The following VIPR2 variants were observed in gnomAD, a reference collection of about 807,000 sequenced individuals.
VIPR2 encodes vasoactive intestinal peptide receptor 2.
A neutral mutation model predicts 58.0 loss-of-function variants in VIPR2; 48 were observed. The ratio of observed to expected loss-of-function variants is 0.83; its 90% confidence interval spans 0.66 to 1.05. The LOEUF is 1.05. VIPR2 is among the 50% of genes least tolerant of loss of function. VIPR2 has a pLI of 0.00. For synonymous variants in VIPR2, 243 were observed against 235.2 expected, an observed-to-expected ratio of 1.03 and a Z score of -0.30; for missense variants, 534 against 558.0, an observed-to-expected ratio of 0.96 and a Z score of 0.43.
intron 4 of VIPR2, among the ~76,000 whole-genome samples, chr7:159,076,689 G>GA (rs1341137760): frequency 6.6e-6 from 1 of 152,080 alleles, no homozygotes; most frequent in Non-Finnish European, 1.5e-5. Context: ...TTGGCTCAAA[G>GA]AAAAATAAGC....
At chr7:159,090,076 G>T (rs1040571122) in intron 4 of VIPR2, among the ~76,000 whole-genome samples, 1 of 149,816 alleles carries the variant, frequency 6.7e-6, no homozygotes, top group East Asian at 2.0e-4. Flanking sequence ...AGACACGCTG[G>T]GACCACACAC....
chr7:159,030,837 G>A, intron 12 of VIPR2, 48 bp from the exon 13 acceptor site: 1 of 1,465,372 alleles, frequency 6.8e-7, no homozygotes, highest in South Asian at 1.4e-5. Flanking sequence ...GGCAGGTGCG[G>A]GCGGCTGCTA....
At chr7:159,094,168 T>C (rs1335349296) in intron 4 of VIPR2, among the ~76,000 whole-genome samples, 1 of 152,166 alleles carries the variant, frequency 6.6e-6, no homozygotes, top group Non-Finnish European at 1.5e-5. Flanking sequence ...TCCATCCCCA[T>C]GGGAGCCAGG....
At chr7:159,142,655 C>A in intron 1 of VIPR2, 110 bp from the exon 2 acceptor site, 1 of 699,410 alleles carries the variant, frequency 1.4e-6, no homozygotes, top group East Asian at 2.8e-5. Flanking sequence ...AAACTGCTTC[C>A]AAACCAAAAT....
chr7:159,077,417 C>G (rs1468000509), intron 4 of VIPR2, among the ~76,000 whole-genome samples: 3 of 149,400 alleles, frequency 2.0e-5, no homozygotes, highest in African/African-American at 7.6e-5. Flanking sequence ...GATTTTAGCC[C>G]TGTTCAATGT....
At chr7:159,140,851 C>T (rs760742683) in intron 2 of VIPR2, among the ~76,000 whole-genome samples, 3 of 152,284 alleles carry the variant, frequency 2.0e-5, no homozygotes, top group Middle Eastern at 3.4e-3. Flanking sequence ...TGAGGGTGTT[C>T]CAGGAGGCGT....
intron 4 of VIPR2, chr7:159,059,126 C>A: frequency 7.2e-6 from 3 of 417,342 alleles, no homozygotes; most frequent in South Asian, 1.7e-5. Flanking sequence ...TGGCTTGATA[C>A]TTTTAATCTC....
intron 2 of VIPR2, among the ~76,000 whole-genome samples, chr7:159,111,474 G>A (rs1395915889): frequency 6.6e-6 from 1 of 152,082 alleles, no homozygotes; most frequent in Non-Finnish European, 1.5e-5. Flanking sequence ...GAGGTCAGGA[G>A]TGTGAGAACA....
At chr7:159,049,061 C>T (rs904795298) in intron 5 of VIPR2, among the ~76,000 whole-genome samples, 20 of 152,210 alleles carry the variant, frequency 1.3e-4, no homozygotes, top group African/African-American at 4.6e-4. Context: ...CGTCCCTGTT[C>T]CTCTGCCAAG....
intron 4 of VIPR2, among the ~76,000 whole-genome samples, chr7:159,090,184 C>T (rs1356534555): frequency 7.1e-6 from 1 of 140,894 alleles, no homozygotes; most frequent in Non-Finnish European, 1.5e-5. Context: ...ATCACAATCC[C>T]CAGTGCCCTC....
At chr7:159,114,967 T>C (rs1033660426) in intron 2 of VIPR2, among the ~76,000 whole-genome samples, 1 of 152,170 alleles carries the variant, frequency 6.6e-6, no homozygotes, top group African/African-American at 2.4e-5. Context: ...CAATGTGTCA[T>C]AAGTTGCAGC....
chr7:159,037,301 C>T (rs1303380060), intron 6 of VIPR2, among the ~76,000 whole-genome samples: 1 of 152,182 alleles, frequency 6.6e-6, no homozygotes, highest in Non-Finnish European at 1.5e-5. Flanking sequence ...GTCCTGCCGG[C>T]CAGCAAAGAA....
chr7:159,111,985 C>T (rs766224682), intron 2 of VIPR2, among the ~76,000 whole-genome samples: 1 of 151,826 alleles, frequency 6.6e-6, no homozygotes, highest in Non-Finnish European at 1.5e-5. Flanking sequence ...CACTCCAGCC[C>T]GGGCGACAGA....
rs1162472877 is a variant in VIPR2 at position 159,080,921 on chromosome 7, G to A, written c.358-22343C>T. On this transcript the variant is annotated intron_variant, in intron 4 of 12. Transcript: ENST00000262178. ...AATCCAACTTACAAGGGATGTGAAG[G>A]ACCTCTTCAAGGAGAACTACAAACC... Among the ~76,000 whole-genome samples, 6 of 152,218 alleles carry A rather than the reference G, an allele frequency of 3.9e-5. No individual in the cohort carries two copies. In the East Asian group the frequency reaches 9.6e-4, roughly 24 times the overall value.
rs374052303 is a variant in VIPR2 at position 159,121,015 on chromosome 7, CTTAAACA to C, written c.152-11103_152-11097del. The stretch of plus-strand genomic sequence containing the variant: ...CCCTTGCCTGCTTTTTAAGCTTGGA[CTTAAACA>C]TTAAAGTTTGGAGCTAAACATATTA... On this transcript the variant is annotated intron_variant, in intron 2 of 12. Transcript: ENST00000262178. 1.1e-3 allele frequency among the ~76,000 whole-genome samples: 165 copies of C among 152,318 alleles called. 1 individual carries two copies. The highest frequency in any genetic ancestry group is 3.5e-3 in the African/African-American group (147 of 41,566).
intron 4 of VIPR2, among the ~76,000 whole-genome samples, chr7:159,092,744 G>A (rs894066069): frequency 6.7e-6 from 1 of 150,370 alleles, no homozygotes; most frequent in East Asian, 2.0e-4. Context: ...TCCGCCTCCC[G>A]GGTTCGGCTG....
intron 3 of VIPR2, among the ~76,000 whole-genome samples, chr7:159,107,680 C>T (rs780067305): frequency 8.6e-5 from 13 of 152,010 alleles, no homozygotes; most frequent in Non-Finnish European, 1.8e-4. Flanking sequence ...AGGAGCTGCC[C>T]GCTGCTTCTG....
At chr7:159,045,356 G>T (rs1047660495) in intron 5 of VIPR2, among the ~76,000 whole-genome samples, 2 of 152,178 alleles carry the variant, frequency 1.3e-5, no homozygotes, top group African/African-American at 2.4e-5. Flanking sequence ...ACTTACTACA[G>T]ACTACCAAAT....
chr7:159,129,080 C>T (rs111548470), intron 2 of VIPR2, among the ~76,000 whole-genome samples: 10 of 151,930 alleles, frequency 6.6e-5, no homozygotes, highest in Admixed American at 1.3e-4. Context: ...CGTCACCACC[C>T]GCCTGGGGGG....
Sources: gnomAD v4.1 joint callset for allele counts (sites outside exome capture counted in the v4.1 genomes callset) on GRCh38, gnomAD v4.1.1 for gene constraint, MANE v1.5 for transcripts, NCBI Gene and HGNC (gene_info 2026-07-23, HGNC 2026-07-21) for gene names.